The following ABR variants were observed in gnomAD, a reference collection of about 807,000 sequenced individuals.
ABR encodes the protein active breakpoint cluster region-related protein.
A neutral mutation model predicts 107.2 loss-of-function variants in ABR; 35 were observed. The ratio of observed to expected loss-of-function variants is 0.33; its 90% confidence interval spans 0.25 to 0.43. The LOEUF (loss-of-function observed/expected upper bound fraction) is 0.43, where lower values mean the gene tolerates loss of function less well. Ranked by LOEUF, ABR falls within the 20% of genes least tolerant of loss-of-function variation. ABR has a pLI of 1.00. For missense variants in ABR, 815 were observed against 1,115.2 expected (o/e 0.73, Z 3.83); for synonymous variants, 498 against 462.0 (o/e 1.08, Z -1.00).
At chr17:1,162,607 A>C (rs899611543) in intron 1 of ABR, among the ~76,000 whole-genome samples, 10 of 151,588 alleles carry the variant, frequency 6.6e-5, no homozygotes, top group African/African-American at 2.4e-4. Context: ...CTCTCCCCGC[A>C]CTCCTCAGCC....
At chr17:1,008,115 T>C (rs2070211747) in intron 21 of ABR, among the ~76,000 whole-genome samples, 1 of 152,154 alleles carries the variant, frequency 6.6e-6, no homozygotes, top group South Asian at 2.1e-4. Context: ...GACCCAGGAT[T>C]GTCCTCCCTC....
chr17:1,089,498 G>A (rs906016663), intron 4 of ABR, among the ~76,000 whole-genome samples: 7 of 152,172 alleles, frequency 4.6e-5, no homozygotes, highest in Admixed American at 1.3e-4. Flanking sequence ...TTTGTGACAC[G>A]GCTCTAGAAG....
Position 1,061,653 on chromosome 17 carries a change from T to C in ABR, c.1183-2786A>G, listed in dbSNP as rs530361327. On this transcript the variant is annotated intron_variant, in intron 10 of 22. Transcript: ENST00000302538. ...CCTCCACCTCCCGGGTTCACACAATTCTTTTGCCTCAGCCTCCCATGTGGC... is the reference window on the plus strand; with the variant it reads ...CCTCCACCTCCCGGGTTCACACAATCCTTTTGCCTCAGCCTCCCATGTGGC... 1.9e-3 allele frequency among the ~76,000 whole-genome samples: 291 copies of C among 152,178 alleles called. 1 individual carries two copies. The highest frequency in any genetic ancestry group is 6.7e-3 in the African/African-American group (279 of 41,518).
chr17:1,042,580 C>A (rs1029872728), intron 16 of ABR, among the ~76,000 whole-genome samples: 9 of 150,904 alleles, frequency 6.0e-5, no homozygotes, highest in African/African-American at 2.2e-4. Context: ...AGACATGGCA[C>A]CTACGTCCAC....
intron 12 of ABR, chr17:1,057,747 C>T: frequency 1.9e-6 from 1 of 514,878 alleles, no homozygotes; most frequent in Non-Finnish European, 3.5e-6. Flanking sequence ...CCAGGCTGGG[C>T]TCTGGGTCCA....
chr17:1,199,099 C>A (rs1398768329), intron 1 of ABR, among the ~76,000 whole-genome samples: 3 of 148,406 alleles, frequency 2.0e-5, no homozygotes, highest in African/African-American at 7.5e-5. Context: ...GAGGCCCTAT[C>A]TCCTCCCAGA....
In ABR at chr17:1,079,696, G is replaced by A. The variant is rs181544860; in HGVS notation, c.640-306C>T. Reference sequence around the variant, plus strand: ...CCCAGCTACTTGGGAGGCTGGGGCAGGAGAATCGCTTGAACCTGGGAGGCG... The same window carrying A: ...CCCAGCTACTTGGGAGGCTGGGGCAAGAGAATCGCTTGAACCTGGGAGGCG... On this transcript the variant is annotated intron_variant, in intron 5 of 22. Transcript: ENST00000302538. Among the ~76,000 whole-genome samples the A allele has an allele frequency of 1.3e-3, 202 of 150,818 alleles. 1 individual carries two copies. The highest frequency in any genetic ancestry group is 2.5e-3 in the Non-Finnish European group (171 of 67,722).
chr17:1,016,626 C>A (rs2071188573), intron 16 of ABR, among the ~76,000 whole-genome samples: 1 of 151,822 alleles, frequency 6.6e-6, no homozygotes, highest in Non-Finnish European at 1.5e-5. Flanking sequence ...CCTACCCCAA[C>A]ATTTCTAAAA....
Position 1,071,672 on chromosome 17 carries a change from AG to A in ABR, c.894+941del, listed in dbSNP as rs2035249802. Among the ~76,000 whole-genome samples, 1 of 152,214 alleles carries A rather than the reference AG, an allele frequency of 6.6e-6. No individual in the cohort carries two copies. Among genetic ancestry groups the A allele is most frequent in the Non-Finnish European group, 1.5e-5 (1 of 68,032 alleles). On this transcript the variant is annotated intron_variant, in intron 8 of 22. Transcript: ENST00000302538. The surrounding 1 kb of genome is among the most constrained non-coding windows in gnomAD (Gnocchi z 5.1). ...CGCAAGCCACTGCGTGTGCAGGCCGAGCTGAAGCAGCTCCAAGCTCCTGCTC... is the reference window on the plus strand; with the variant it reads ...CGCAAGCCACTGCGTGTGCAGGCCGACTGAAGCAGCTCCAAGCTCCTGCTC...
intron 5 of ABR, 45 bp downstream of exon 5, chr17:1,083,475 C>T (rs748210461): frequency 6.8e-7 from 1 of 1,477,188 alleles, no homozygotes; most frequent in African/African-American, 1.4e-5. Flanking sequence ...GAGCAGCCCC[C>T]AAAGCTCCTT....
intron 1 of ABR, chr17:1,125,763 A>G (rs1380516137): frequency 3.9e-6 from 1 of 255,404 alleles, no homozygotes; most frequent in African/African-American, 2.3e-5. Flanking sequence ...TATAGGGAAT[A>G]AGGAGGTGGG....
intron 1 of ABR, among the ~76,000 whole-genome samples, chr17:1,155,481 T>C (rs1358545764): frequency 6.6e-6 from 1 of 152,144 alleles, no homozygotes; most frequent in African/African-American, 2.4e-5. Context: ...ATCTTCATGG[T>C]CTTGGACTTG....
intron 1 of ABR, among the ~76,000 whole-genome samples, chr17:1,217,736 C>G (rs1346850147): frequency 6.6e-6 from 1 of 152,134 alleles, no homozygotes; most frequent in Non-Finnish European, 1.5e-5. Context: ...GCTCTGTGGC[C>G]CAGGCTGGAG....
chr17:1,012,048 C>G (rs560240585), intron 18 of ABR, 63 bp from the exon 19 acceptor site: 12 of 1,603,538 alleles, frequency 7.5e-6, no homozygotes, highest in Non-Finnish European at 1.0e-5. Context: ...GTAGCAACCC[C>G]CACCCAGCAC....
At chr17:1,220,563 C>G (rs1011469299) in intron 1 of ABR, among the ~76,000 whole-genome samples, 1 of 152,138 alleles carries the variant, frequency 6.6e-6, no homozygotes, top group Non-Finnish European at 1.5e-5. Flanking sequence ...GCTTATGATT[C>G]TAGTATGGTA....
intron 1 of ABR, among the ~76,000 whole-genome samples, chr17:1,145,178 C>T (rs2040477550): frequency 6.6e-6 from 1 of 152,192 alleles, no homozygotes; most frequent in South Asian, 2.1e-4. Flanking sequence ...GCGCCCAGGA[C>T]AGGACTCACG....
At chr17:1,182,508 C>T (rs1242942295), upstream of ABR, among the ~76,000 whole-genome samples, 1 of 152,214 alleles carries the variant, frequency 6.6e-6, no homozygotes, top group Non-Finnish European at 1.5e-5. Flanking sequence ...GCTGGGACTA[C>T]AGGCACGTGC....
Position 1,011,040 on chromosome 17 carries a change from G to A in ABR, c.2102-177C>T, listed in dbSNP as rs902315549. 1 of 756,366 alleles carries A rather than the reference G, an allele frequency of 1.3e-6. No individual in the cohort carries two copies. The highest frequency in any genetic ancestry group is 1.8e-5 in the African/African-American group (1 of 57,110). The allele number at this position is 756,366 out of a possible 1,614,324, so 46.9% of individuals were successfully genotyped here. The stretch of plus-strand genomic sequence containing the variant: ...TGACTCGGCTCTGTGGGTCGGGGTT[G>A]GGGGAACAGGGAGAGATAGCCTGGG... On this transcript the variant is annotated intron_variant, in intron 19 of 22. Transcript: ENST00000302538. This position sits in a 1 kb window ranked among gnomAD's most constrained non-coding sequence, Gnocchi z 4.8.
intron 1 of ABR, among the ~76,000 whole-genome samples, chr17:1,225,078 G>T (rs1048834243): frequency 6.6e-6 from 1 of 150,986 alleles, no homozygotes; most frequent in Non-Finnish European, 1.5e-5. Flanking sequence ...GAACCCAGGA[G>T]GCAGAGCTTG....
Sources: allele counts gnomAD v4.1 joint callset (sites outside exome capture counted in the v4.1 genomes callset), GRCh38; gene constraint gnomAD v4.1.1; non-coding constraint Gnocchi (gnomAD v3.1); transcripts MANE v1.5; gene names NCBI Gene and HGNC (gene_info 2026-07-23, HGNC 2026-07-21).